ASRGL1: variants seen among roughly 807,000 people sequenced by gnomAD.
ASRGL1 encodes asparaginase and isoaspartyl peptidase 1.
ASRGL1 carries 16 observed loss-of-function variants against 22.4 expected under a neutral mutation model. The ratio of observed to expected loss-of-function variants is 0.71; its 90% confidence interval spans 0.48 to 1.08. The LOEUF is 1.08. Ranked by LOEUF, ASRGL1 falls within the 50% of genes least tolerant of loss-of-function variation. The pLI, the probability that ASRGL1 is intolerant of heterozygous loss-of-function variation, is 0.00. For synonymous variants in ASRGL1, 165 were observed against 159.3 expected (o/e 1.04, Z -0.27); for missense variants, 412 against 410.1 (o/e 1.00, Z -0.04).
chr11:62,366,896 G>A (rs1471652743), intron 4 of ASRGL1, among the ~76,000 whole-genome samples: 1 of 152,112 alleles, frequency 6.6e-6, no homozygotes, highest in African/African-American at 2.4e-5. Context: ...TTTTGCTATG[G>A]TATTTTTGCC....
At chr11:62,346,538 G>C (rs1242251232) in intron 2 of ASRGL1, among the ~76,000 whole-genome samples, 1 of 152,146 alleles carries the variant, frequency 6.6e-6, no homozygotes, top group African/African-American at 2.4e-5. Context: ...ATTCTGTGAC[G>C]ATGTGCAGAT....
chr11:62,351,703 T>C (rs778692915), intron 2 of ASRGL1, among the ~76,000 whole-genome samples: 1 of 152,064 alleles, frequency 6.6e-6, no homozygotes, highest in Non-Finnish European at 1.5e-5. Flanking sequence ...GGTATTAATT[T>C]TACTCTGACA....
intron 4 of ASRGL1, chr11:62,372,367 G>A: frequency 1.3e-6 from 2 of 1,564,486 alleles, no homozygotes; most frequent in South Asian, 1.1e-5. Flanking sequence ...ATGTACAACA[G>A]CCTGCCAATT....
In ASRGL1 at chr11:62,357,156, C is replaced by T; in HGVS notation, c.491+12C>T. Reference sequence around the variant, plus strand: ...ACAGATTGTCAAAAGTAAGTCTTACCTGTGGCTCGCATTATTTGGGAGTTA... The same window carrying T: ...ACAGATTGTCAAAAGTAAGTCTTACTTGTGGCTCGCATTATTTGGGAGTTA... On this transcript the variant is annotated intron_variant, in intron 4 of 6. Coordinates refer to ENST00000415229, the MANE Select transcript of ASRGL1 (RefSeq NM_001083926.2). 1 of 1,609,934 alleles carries T rather than the reference C, an allele frequency of 6.2e-7. No homozygotes were observed. Among genetic ancestry groups the T allele is most frequent in the Non-Finnish European group, 8.5e-7 (1 of 1,178,844 alleles).
chr11:62,364,346 ACT>A (rs1291931411), intron 4 of ASRGL1, among the ~76,000 whole-genome samples: 3 of 152,162 alleles, frequency 2.0e-5, no homozygotes, highest in Non-Finnish European at 4.4e-5. Flanking sequence ...CACAATAATA[ACT>A]AAGTTAAGTC....
chr11:62,365,418 G>A (rs7105622), intron 4 of ASRGL1, among the ~76,000 whole-genome samples: 34,666 of 151,662 alleles, frequency 0.23, 4,204 homozygotes, highest in East Asian at 0.34. Context: ...GCTGGGCATG[G>A]TGGTGGGCGC....
chr11:62,392,456 T>C lies in ASRGL1; in HGVS notation c.*172T>C, dbSNP rs1947363841. 1.4e-6 allele frequency: 1 copy of C among 733,588 alleles called. No individual in the cohort carries two copies. Among genetic ancestry groups the C allele is most frequent in the Non-Finnish European group, 2.2e-6 (1 of 451,506 alleles). 45.4% of individuals were successfully genotyped at this position (733,588 alleles called of 1,614,324 possible). A position where few individuals can be genotyped will look rare whatever the true frequency, so the allele number is the denominator to read the frequency against. On this transcript the variant is annotated 3_prime_UTR_variant, in exon 7 of 7. Coordinates refer to ENST00000415229, the MANE Select transcript of ASRGL1 (RefSeq NM_001083926.2). ...GGTTGTGGGGCGGGTTCTGAAGCGA[T>C]GAGAGAAATGCCCGTATTAGGAGGA...
intron 2 of ASRGL1, among the ~76,000 whole-genome samples, chr11:62,341,318 CCT>C (rs768916050): frequency 4.3e-4 from 66 of 151,832 alleles, no homozygotes; most frequent in East Asian, 1.9e-4. Flanking sequence ...CCTGCCTCAG[CCT>C]CTCGAGTAGC....
In ASRGL1 at chr11:62,357,890, A is replaced by G. The variant is rs377018739; in HGVS notation, c.491+746A>G. On this transcript the variant is annotated intron_variant, in intron 4 of 6. Transcript: ENST00000415229. ...TTGACTCCGCATACTTTTTAGAGTA[A>G]TGATATTTAATCAGAGGTATACCTT... 8.5e-5 allele frequency among the ~76,000 whole-genome samples: 13 copies of G among 152,330 alleles called. 1 individual carries two copies. Among genetic ancestry groups the G allele is most frequent in the African/African-American group, 3.1e-4 (13 of 41,590 alleles).
chr11:62,372,713 T>G, intron 4 of ASRGL1: 175 of 1,373,032 alleles, frequency 1.3e-4, no homozygotes, highest in Non-Finnish European at 1.7e-4. Flanking sequence ...AGCAGAAGGA[T>G]GAGATGGTCC....
At chr11:62,376,143 C>T (rs1946924331) in intron 4 of ASRGL1, among the ~76,000 whole-genome samples, 1 of 140,638 alleles carries the variant, frequency 7.1e-6, no homozygotes, top group African/African-American at 2.6e-5. Flanking sequence ...GCAGCCTACT[C>T]TCTGGAGTTT....
intron 2 of ASRGL1, among the ~76,000 whole-genome samples, chr11:62,349,797 T>C (rs971155519): frequency 6.6e-6 from 1 of 152,158 alleles, no homozygotes; most frequent in African/African-American, 2.4e-5. Flanking sequence ...GGGCTACTGG[T>C]TGCCCATTTT....
At chr11:62,337,742 C>T (rs1283538364) in intron 1 of ASRGL1, 148 bp from the exon 2 acceptor site, 1 of 444,822 alleles carries the variant, frequency 2.2e-6, no homozygotes, top group Non-Finnish European at 4.0e-6. Context: ...AACTGAGACC[C>T]CCAGCAGGTC....
At chr11:62,383,738 A>C (rs1759248437) in intron 4 of ASRGL1, among the ~76,000 whole-genome samples, 1 of 151,594 alleles carries the variant, frequency 6.6e-6, no homozygotes, top group Non-Finnish European at 1.5e-5. Flanking sequence ...CCTGGGCAAC[A>C]TGGTGAAACC....
chr11:62,398,853 C>T, the ASRGL1 span, among the ~76,000 whole-genome samples: 94,789 of 152,094 alleles, frequency 0.62, 30,646 homozygotes, highest in South Asian at 0.78. Context: ...TTCCCCAAGC[C>T]CTTTCCCTGT....
chr11:62,357,079 G>A lies in ASRGL1; in HGVS notation c.426G>A (p.Glu142=). The part of the protein sequence containing the change: ...PEIPGEKLVT[E]RNKKRLEKEK... ...TTCCTGGAGAAAAACTGGTGACAGA[G>A]AGAAACAAAAAGCGCCTGGAAAAAG... Residue 142 remains glutamate, a synonymous_variant, in exon 4 of 7, where the codon GAG becomes GAA. Coordinates refer to ENST00000415229, the MANE Select transcript of ASRGL1 (RefSeq NM_001083926.2). 2 of 1,614,162 alleles carry A rather than the reference G, an allele frequency of 1.2e-6. No homozygotes were observed. Among genetic ancestry groups the A allele is most frequent in the Non-Finnish European group, 1.7e-6 (2 of 1,180,026 alleles).
intron 2 of ASRGL1, among the ~76,000 whole-genome samples, chr11:62,353,755 G>A (rs531193924): frequency 6.6e-6 from 1 of 152,250 alleles, no homozygotes; most frequent in South Asian, 2.1e-4. Flanking sequence ...TTCATATGAT[G>A]AGTGACTTTC....
chr11:62,374,435 T>TAAAAAAAAAA (rs757347425), intron 4 of ASRGL1, among the ~76,000 whole-genome samples: 54 of 152,168 alleles, frequency 3.5e-4, no homozygotes, highest in Non-Finnish European at 6.0e-4. Flanking sequence ...TTGGGTGCTT[T>TAAAAAAAAAA]AAAATAGATA....
rs185030317 is a variant in ASRGL1, at chr11:62,385,732, T to C, written c.492-3401T>C. The stretch of plus-strand genomic sequence containing the variant: ...ATACAAAATTAGTCGGGCATGGTGG[T>C]GCATGCCTGTAATCCCAGCTACTTG... On this transcript the variant is annotated intron_variant, in intron 4 of 6. Coordinates refer to ENST00000415229, the MANE Select transcript of ASRGL1 (RefSeq NM_001083926.2). 4.6e-3 allele frequency among the ~76,000 whole-genome samples: 695 copies of C among 151,068 alleles called. 10 individuals carry two copies. Among genetic ancestry groups the C allele is most frequent in the African/African-American group, 0.016 (666 of 41,000 alleles).
Sources: allele counts gnomAD v4.1 joint callset (sites outside exome capture counted in the v4.1 genomes callset), GRCh38; gene constraint gnomAD v4.1.1; transcripts MANE v1.5; gene names NCBI Gene and HGNC (gene_info 2026-07-23, HGNC 2026-07-21).